ADCY8: variants seen among roughly 807,000 people sequenced by gnomAD.
The protein encoded by ADCY8 is adenylate cyclase 8.
ADCY8 carries 51 observed loss-of-function variants against 119.7 expected under a neutral mutation model. The observed-to-expected ratio is 0.43, with a 90% confidence interval of 0.34 to 0.54. ADCY8 has a LOEUF of 0.54. Ranked by LOEUF, ADCY8 falls within the 20% of genes least tolerant of loss-of-function variation. ADCY8 has a pLI of 0.03. For synonymous variants in ADCY8, 665 were observed against 651.0 expected, an observed-to-expected ratio of 1.02 and a Z score of -0.33; for missense variants, 1,383 against 1,598.8, an observed-to-expected ratio of 0.87 and a Z score of 2.30.
intron 6 of ADCY8, among the ~76,000 whole-genome samples, chr8:130,905,528 T>A (rs946115811): frequency 6.6e-6 from 1 of 152,224 alleles, no homozygotes; most frequent in Non-Finnish European, 1.5e-5. Context: ...GCTTTTGGAA[T>A]GCTAAGAACA....
chr8:130,850,418 T>A lies in ADCY8; in HGVS notation c.2211-615A>T, dbSNP rs192798149. ...GCCTGTGTCAGTTGGACACCTGTGCTCGGTGTCAGGATGCTTAGTCAGTCT... is the reference window on the plus strand; with the variant it reads ...GCCTGTGTCAGTTGGACACCTGTGCACGGTGTCAGGATGCTTAGTCAGTCT... On this transcript the variant is annotated intron_variant, in intron 9 of 17. Transcript: ENST00000286355. Among the ~76,000 whole-genome samples, 1,001 of 152,296 alleles carry A rather than the reference T, an allele frequency of 6.6e-3. 12 individuals carry two copies. Among genetic ancestry groups the A allele is most frequent in the African/African-American group, 0.023 (959 of 41,560 alleles).
At chr8:130,997,240 T>A (rs1317602998) in intron 1 of ADCY8, among the ~76,000 whole-genome samples, 2 of 52,468 alleles carry the variant, frequency 3.8e-5, no homozygotes, top group African/African-American at 1.0e-4. Flanking sequence ...TATATATACA[T>A]ATACATATAT....
In ADCY8 at chr8:130,992,353, G is replaced by A. The variant is rs1279389306; in HGVS notation, c.961-1811C>T. 3.0e-5 allele frequency among the ~76,000 whole-genome samples: 4 copies of A among 133,622 alleles called. No individual in the cohort carries two copies. The East Asian group carries it at 8.1e-4, about 27-fold the overall frequency. The allele number at this position is 133,622 out of a possible 152,430, so 87.7% of individuals were successfully genotyped here. On this transcript the variant is annotated intron_variant, in intron 1 of 17. Coordinates refer to ENST00000286355, the MANE Select transcript of ADCY8 (RefSeq NM_001115.3). ...TCCACCTTGACCTCTGAAAGTGCTGGGATTACATACATGAGCAACTGTATC... is the reference window on the plus strand; with the variant it reads ...TCCACCTTGACCTCTGAAAGTGCTGAGATTACATACATGAGCAACTGTATC...
intron 15 of ADCY8, among the ~76,000 whole-genome samples, chr8:130,798,636 G>A (rs1468952869): frequency 6.6e-6 from 1 of 152,210 alleles, no homozygotes; most frequent in African/African-American, 2.4e-5. Context: ...CCTGCCTTTG[G>A]TGATTGCTAA....
At chr8:131,004,518 A>G (rs2130768491) in intron 1 of ADCY8, among the ~76,000 whole-genome samples, 1 of 152,294 alleles carries the variant, frequency 6.6e-6, no homozygotes, top group South Asian at 2.1e-4. Context: ...CTGTATAGGC[A>G]TCTACTATTG....
intron 1 of ADCY8, among the ~76,000 whole-genome samples, chr8:131,024,012 G>T (rs977380464): frequency 1.3e-5 from 2 of 152,192 alleles, no homozygotes; most frequent in African/African-American, 4.8e-5. Context: ...GGGCAAAGAG[G>T]TGATTGCTAA....
intron 15 of ADCY8, among the ~76,000 whole-genome samples, chr8:130,798,378 C>A (rs1016178762): frequency 6.6e-6 from 1 of 152,152 alleles, no homozygotes; most frequent in African/African-American, 2.4e-5. Context: ...AGCTTTTCAG[C>A]TGGTCATGGA....
At chr8:130,955,902 T>C in intron 2 of ADCY8, among the ~76,000 whole-genome samples, 1 of 152,190 alleles carries the variant, frequency 6.6e-6, no homozygotes, top group African/African-American at 2.4e-5. Context: ...CCCAGCACTT[T>C]GGGAGACTGA....
At chr8:130,885,955 T>A (rs1396584445) in intron 7 of ADCY8, among the ~76,000 whole-genome samples, 1 of 151,988 alleles carries the variant, frequency 6.6e-6, no homozygotes, top group African/African-American at 2.4e-5. Context: ...TTGCCAAACC[T>A]TCAGATATCG....
rs377243453 is a variant in ADCY8, at chr8:131,039,496, C to T, written c.838G>A (p.Ala280Thr). Reference sequence around the variant, plus strand: ...GGCAGCGGCAGCATACTGTAGGTGGCGAAGAGCGTGAAGAGCACGTAGCCT... The same window carrying T: ...GGCAGCGGCAGCATACTGTAGGTGGTGAAGAGCGTGAAGAGCACGTAGCCT... Reference protein sequence around the residue: ...GIGYVLFTLFATYSMLPLPLT... With the variant: ...GIGYVLFTLFTTYSMLPLPLT... The change falls in exon 1 of 18, where the codon GCC becomes ACC. Residue 280 changes from alanine (A) to threonine (T), a missense_variant. Coordinates refer to ENST00000286355, the MANE Select transcript of ADCY8 (RefSeq NM_001115.3). 24 of 1,613,856 alleles carry T rather than the reference C, an allele frequency of 1.5e-5. No homozygotes were observed. Among genetic ancestry groups the T allele is most frequent in the Admixed American group, 8.3e-5 (5 of 60,000 alleles).
At chr8:130,836,142 A>G (rs1328272917) in intron 12 of ADCY8, 135 bp downstream of exon 12, 1 of 985,434 alleles carries the variant, frequency 1.0e-6, no homozygotes, top group Non-Finnish European at 1.5e-6. Flanking sequence ...AAACTACAGA[A>G]TGCCTGATTT....
chr8:130,804,937 G>T (rs1815897822), intron 14 of ADCY8, among the ~76,000 whole-genome samples: 1 of 152,078 alleles, frequency 6.6e-6, no homozygotes, highest in Middle Eastern at 3.2e-3. Context: ...AGTAGAGATG[G>T]GGTTTCATCA....
intron 12 of ADCY8, among the ~76,000 whole-genome samples, chr8:130,827,882 T>A (rs1816714938): frequency 6.6e-6 from 1 of 152,144 alleles, no homozygotes; most frequent in Non-Finnish European, 1.5e-5. Context: ...TGTCAGCCAG[T>A]TAAAAATATG....
chr8:130,911,581 A>T (rs906117881), intron 5 of ADCY8, among the ~76,000 whole-genome samples: 1 of 118,060 alleles, frequency 8.5e-6, no homozygotes, highest in Non-Finnish European at 2.0e-5. Context: ...GAAAAGTCTA[A>T]ATTAAATTGT....
chr8:130,976,033 A>G (rs1822062180), intron 2 of ADCY8, among the ~76,000 whole-genome samples: 1 of 152,142 alleles, frequency 6.6e-6, no homozygotes, highest in Non-Finnish European at 1.5e-5. Context: ...AAAAACCACC[A>G]CCTATCTTTT....
At position 130,800,344 on chromosome 8, in the gene ADCY8, T is replaced by A. The variant is rs1015647707; in HGVS notation, c.3060+82A>T. 4.6e-4 allele frequency: 541 copies of A among 1,184,114 alleles called. 2 individuals are homozygous for A. Among genetic ancestry groups the A allele is most frequent in the Non-Finnish European group, 5.3e-4 (458 of 857,482 alleles). The allele number at this position is 1,184,114 out of a possible 1,614,324, so 73.4% of individuals were successfully genotyped here. The stretch of plus-strand genomic sequence containing the variant: ...TTCCGTTAAGTGCAAAAAAAAAAAA[T>A]AAGTAATTCCTACAATGAATAACAC... On this transcript the variant is annotated intron_variant, in intron 15 of 17. Transcript: ENST00000286355.
intron 13 of ADCY8, among the ~76,000 whole-genome samples, chr8:130,819,001 C>T (rs924816705): frequency 3.9e-5 from 6 of 152,144 alleles, no homozygotes; most frequent in African/African-American, 1.4e-4. Flanking sequence ...TAATAGCTAT[C>T]AATTTTGAAA....
intron 8 of ADCY8, among the ~76,000 whole-genome samples, chr8:130,871,026 A>G (rs1818335440): frequency 6.6e-6 from 1 of 152,218 alleles, no homozygotes; most frequent in Non-Finnish European, 1.5e-5. Context: ...AGAATCTTAT[A>G]ATTGTGAAGT....
chr8:131,004,390 G>A (rs1273987152), intron 1 of ADCY8, among the ~76,000 whole-genome samples: 1 of 152,052 alleles, frequency 6.6e-6, no homozygotes, highest in Non-Finnish European at 1.5e-5. Flanking sequence ...CCATTTTTCT[G>A]GCATGCTCTT....
Sources: allele counts gnomAD v4.1 joint callset (sites outside exome capture counted in the v4.1 genomes callset), GRCh38; gene constraint gnomAD v4.1.1; transcripts MANE v1.5; gene names NCBI Gene and HGNC (gene_info 2026-07-23, HGNC 2026-07-21).